GRIK2: variants seen among roughly 807,000 people sequenced by gnomAD.
GRIK2 encodes the protein glutamate ionotropic receptor kainate type subunit 2, also known as glutamate receptor ionotropic, kainate 2.
A neutral mutation model predicts 100.3 loss-of-function variants in GRIK2; 32 were observed. The observed-to-expected ratio is 0.32, with a 90% CI of 0.24 to 0.43. The LOEUF is 0.43. GRIK2 is among the 20% of genes least tolerant of loss of function. The pLI, the probability that GRIK2 is intolerant of heterozygous loss-of-function variation, is 1.00. For missense variants in GRIK2, 843 were observed against 1,114.9 expected, an observed-to-expected ratio of 0.76 and a Z score of 3.47; for synonymous variants, 417 against 389.4, an observed-to-expected ratio of 1.07 and a Z score of -0.83.
chr6:101,477,500 A>G (rs996954092), intron 2 of GRIK2, among the ~76,000 whole-genome samples: 10 of 152,080 alleles, frequency 6.6e-5, no homozygotes, highest in African/African-American at 2.4e-4. Context: ...CTACGATGAA[A>G]CATGGGAGTC....
intron 14 of GRIK2, among the ~76,000 whole-genome samples, chr6:102,020,560 C>T (rs1304297642): frequency 6.6e-6 from 1 of 151,762 alleles, no homozygotes; most frequent in Non-Finnish European, 1.5e-5. Context: ...ACCCAGTGAG[C>T]TATTTTGGGT....
At chr6:101,585,623 G>T (rs879712947) in intron 2 of GRIK2, among the ~76,000 whole-genome samples, 1 of 151,968 alleles carries the variant, frequency 6.6e-6, no homozygotes, top group Non-Finnish European at 1.5e-5. Flanking sequence ...TCATATTAAG[G>T]GCCTTGTGAA....
At chr6:101,859,764 C>T (rs879670217) in intron 11 of GRIK2, among the ~76,000 whole-genome samples, 1 of 152,120 alleles carries the variant, frequency 6.6e-6, no homozygotes, top group African/African-American at 2.4e-5. Flanking sequence ...CAAAGAGATA[C>T]TTCCCAGGTC....
chr6:101,946,249 T>C (rs1189442858), intron 14 of GRIK2, among the ~76,000 whole-genome samples: 4 of 152,098 alleles, frequency 2.6e-5, no homozygotes, highest in Non-Finnish European at 5.9e-5. Flanking sequence ...TTCTGATATA[T>C]ATAATATGTA....
chr6:101,488,335 A>G (rs1338881921), intron 2 of GRIK2, among the ~76,000 whole-genome samples: 2 of 146,972 alleles, frequency 1.4e-5, no homozygotes, highest in African/African-American at 5.2e-5. Flanking sequence ...TTACATAGGC[A>G]GAGAATGTGA....
At chr6:101,700,424 GGCCATTTAGGAAGAAGATAATGGAAA>G (rs1582985750) in intron 7 of GRIK2, among the ~76,000 whole-genome samples, 1 of 152,018 alleles carries the variant, frequency 6.6e-6, no homozygotes, top group African/African-American at 2.4e-5. Context: ...AGAGTAGGAA[GGCCATTTAGGAAGAAGATAATGGAAA>G]GCCATTAAAG....
chr6:101,578,161 C>T (rs1777877516), intron 2 of GRIK2, among the ~76,000 whole-genome samples: 1 of 152,128 alleles, frequency 6.6e-6, no homozygotes, highest in South Asian at 2.1e-4. Context: ...GCCAGGGATG[C>T]ACAGGTTTAT....
At chr6:102,051,102 ATCC>A (rs1259731649) in intron 15 of GRIK2, among the ~76,000 whole-genome samples, 2 of 152,154 alleles carry the variant, frequency 1.3e-5, no homozygotes, top group Non-Finnish European at 1.5e-5. Flanking sequence ...TTATGTGCCC[ATCC>A]ATACGCTGTC....
At chr6:101,436,376 T>C (rs1769713008) in intron 2 of GRIK2, among the ~76,000 whole-genome samples, 1 of 151,964 alleles carries the variant, frequency 6.6e-6, no homozygotes, top group Non-Finnish European at 1.5e-5. Flanking sequence ...TGATTTTTTT[T>C]TTATACTGAA....
intron 2 of GRIK2, among the ~76,000 whole-genome samples, chr6:101,591,540 C>G (rs190287248): frequency 8.1e-4 from 123 of 152,038 alleles, no homozygotes; most frequent in African/African-American, 2.8e-3. Context: ...ATTTTCTTCT[C>G]TCAAGACTAT....
At chr6:101,662,610 A>C (rs901501989) in intron 4 of GRIK2, among the ~76,000 whole-genome samples, 1 of 151,970 alleles carries the variant, frequency 6.6e-6, no homozygotes, top group Non-Finnish European at 1.5e-5. Flanking sequence ...CAAACACCAC[A>C]GAAGACATTT....
intron 11 of GRIK2, among the ~76,000 whole-genome samples, chr6:101,868,383 A>C (rs768420256): frequency 1.9e-4 from 29 of 151,806 alleles, no homozygotes; most frequent in Non-Finnish European, 3.2e-4. Context: ...GTATTATTTA[A>C]AGTCAGTAAT....
chr6:101,903,442 C>T (rs1303887489), intron 12 of GRIK2, among the ~76,000 whole-genome samples: 1 of 151,792 alleles, frequency 6.6e-6, no homozygotes, highest in Non-Finnish European at 1.5e-5. Flanking sequence ...ATGCCTGTCT[C>T]TAAGCAGTAT....
rs546421959 is a variant in GRIK2, at chr6:101,673,392, C to T, written c.542-3231C>T. On this transcript the variant is annotated intron_variant, in intron 4 of 16. Coordinates refer to ENST00000369134, the MANE Select transcript of GRIK2 (RefSeq NM_021956.5). Reference sequence around the variant, plus strand: ...GTTCTTCTCATCGGTCCTCCATAATCTGAGCAATTCTTTTGAACTACAGAT... The same window carrying T: ...GTTCTTCTCATCGGTCCTCCATAATTTGAGCAATTCTTTTGAACTACAGAT... Among the ~76,000 whole-genome samples the T allele has an allele frequency of 3.3e-4, 50 of 152,286 alleles. No homozygotes were observed. In the Middle Eastern group the frequency reaches 0.01, roughly 31 times the overall value.
intron 7 of GRIK2, among the ~76,000 whole-genome samples, chr6:101,768,347 A>G (rs1394539320): frequency 6.6e-6 from 1 of 152,112 alleles, no homozygotes. Context: ...TCAAACTACA[A>G]TGTCCCAACT....
intron 7 of GRIK2, among the ~76,000 whole-genome samples, chr6:101,792,458 C>T (rs1244998560): frequency 2.6e-5 from 4 of 151,446 alleles, no homozygotes; most frequent in Admixed American, 1.3e-4. Context: ...ATTTCTCCTT[C>T]ACTTATGAAG....
At chr6:101,403,483 A>T (rs535888869) in intron 2 of GRIK2, among the ~76,000 whole-genome samples, 2 of 152,214 alleles carry the variant, frequency 1.3e-5, no homozygotes, top group African/African-American at 4.8e-5. Flanking sequence ...CCTTGCGTAC[A>T]CGAAGAAGGT....
At chr6:102,027,362 AT>A (rs1400951003) in intron 14 of GRIK2, among the ~76,000 whole-genome samples, 5 of 151,196 alleles carry the variant, frequency 3.3e-5, no homozygotes, top group Admixed American at 1.3e-4. Flanking sequence ...TAAAACTTTT[AT>A]TTATAAATGT....
intron 2 of GRIK2, among the ~76,000 whole-genome samples, chr6:101,538,200 C>A (rs11755675): frequency 0.048 from 7,337 of 151,758 alleles, 254 homozygotes; most frequent in Non-Finnish European, 0.065. Flanking sequence ...TGCTCAATTG[C>A]ATCATCCAGA....
Sources: allele counts gnomAD v4.1 joint callset (sites outside exome capture counted in the v4.1 genomes callset), GRCh38; gene constraint gnomAD v4.1.1; transcripts MANE v1.5; gene names NCBI Gene and HGNC (gene_info 2026-07-23, HGNC 2026-07-21).